ZNF532: variants seen among roughly 807,000 people sequenced by gnomAD.
The protein encoded by ZNF532 is zinc finger protein 532.
In ZNF532, 22 loss-of-function variants were observed where a neutral mutation model predicts 89.3. That is an observed-to-expected ratio of 0.25 (90% confidence interval 0.18 to 0.35). The LOEUF (loss-of-function observed/expected upper bound fraction) is 0.35, where lower values mean the gene tolerates loss of function less well. Ranked by LOEUF, ZNF532 falls within the 10% of genes least tolerant of loss-of-function variation. The pLI is 1.00. For synonymous variants in ZNF532, 606 were observed against 649.6 expected, an observed-to-expected ratio of 0.93 and a Z score of 1.02; for missense variants, 1,132 against 1,643.4, an observed-to-expected ratio of 0.69 and a Z score of 5.38.
chr18:58,937,914 G>C (rs1346808343), intron 4 of ZNF532, among the ~76,000 whole-genome samples: 2 of 152,224 alleles, frequency 1.3e-5, no homozygotes, highest in Admixed American at 6.5e-5. Flanking sequence ...ATAGGCTAGA[G>C]AGGCTGTCCT....
chr18:58,869,079 A>G (rs1370451058), intron 2 of ZNF532, among the ~76,000 whole-genome samples: 1 of 152,240 alleles, frequency 6.6e-6, no homozygotes, highest in African/African-American at 2.4e-5. Context: ...ATATGGTATT[A>G]TAATCTTATG....
At chr18:58,899,615 C>A (rs1210351508) in intron 2 of ZNF532, among the ~76,000 whole-genome samples, 1 of 152,054 alleles carries the variant, frequency 6.6e-6, no homozygotes, top group Non-Finnish European at 1.5e-5. Flanking sequence ...ACTACAGGTG[C>A]GAGCCACCAC....
At chr18:58,957,526 T>C (rs1307517800) in intron 7 of ZNF532, among the ~76,000 whole-genome samples, 1 of 151,664 alleles carries the variant, frequency 6.6e-6, no homozygotes, top group African/African-American at 2.4e-5. Flanking sequence ...GTATGATTAT[T>C]ATTTTGATAA....
Position 58,920,005 on chromosome 18 carries a change from T to C in ZNF532, c.1718T>C (p.Val573Ala), listed in dbSNP as rs1175478440. 6.2e-7 allele frequency: 1 copy of C among 1,613,590 alleles called. No homozygotes were observed. Among genetic ancestry groups the C allele is most frequent in the Non-Finnish European group, 8.5e-7 (1 of 1,179,758 alleles). ...AAAAAGGTGTCTCGAGTCCAGGTGGTGTCGTCCTTGCAGAGTTCTGTGGTG... is the reference window on the plus strand; with the variant it reads ...AAAAAGGTGTCTCGAGTCCAGGTGGCGTCGTCCTTGCAGAGTTCTGTGGTG... ...PPKKVSRVQV[V>A]SSLQSSVVEA... The change falls in exon 3 of 10, where the codon GTG (valine) becomes GCG (alanine). Residue 573 changes from valine to alanine, a missense_variant. By Grantham distance (64) the Val-to-Ala change is moderately conservative (BLOSUM62 0). Coordinates refer to ENST00000591808, the MANE Select transcript of ZNF532 (RefSeq NM_001375912.1).
chr18:58,948,118 G>A lies in ZNF532; in HGVS notation c.2757G>A (p.Leu919=). Residue 919 remains leucine, a synonymous_variant, in exon 6 of 10, where the codon TTG becomes TTA. Transcript: ENST00000591808. ...ACACTGTGTTCACCCTGCAAACCTT[G>A]CTGTATCGCCACTTTGACCAACACA... The part of the protein sequence containing the change: ...MCDTVFTLQT[L]LYRHFDQHIE... The A allele has an allele frequency of 1.2e-6, 2 of 1,613,876 alleles. No individual in the cohort carries two copies. The highest frequency in any genetic ancestry group is 2.2e-5 in the South Asian group (2 of 91,026).
At chr18:58,938,750 T>C (rs1231422191) in intron 4 of ZNF532, among the ~76,000 whole-genome samples, 1 of 152,184 alleles carries the variant, frequency 6.6e-6, no homozygotes, top group African/African-American at 2.4e-5. Flanking sequence ...GTTTAGACAC[T>C]GAAGATTTCT....
intron 2 of ZNF532, chr18:58,896,318 A>G (rs572792343): frequency 2.5e-4 from 38 of 152,240 alleles, no homozygotes; most frequent in African/African-American, 8.7e-4. Context: ...GTTTTCCATC[A>G]CCTTCAAAAA....
chr18:58,938,214 C>T (rs1296662777), intron 4 of ZNF532, among the ~76,000 whole-genome samples: 1 of 152,140 alleles, frequency 6.6e-6, no homozygotes, highest in Non-Finnish European at 1.5e-5. Context: ...GGGTAGCTCA[C>T]ATCTGGGAGC....
At chr18:58,973,204 G>A (rs1377252151) in intron 7 of ZNF532, among the ~76,000 whole-genome samples, 1 of 152,216 alleles carries the variant, frequency 6.6e-6, no homozygotes, top group Admixed American at 6.5e-5. Context: ...CCGAGTTCAA[G>A]TGATTCTTGT....
chr18:58,938,247 G>T (rs1055831552), intron 4 of ZNF532, among the ~76,000 whole-genome samples: 1 of 152,172 alleles, frequency 6.6e-6, no homozygotes, highest in African/African-American at 2.4e-5. Context: ...TTGTATTAGA[G>T]GTAAATTTCT....
intron 5 of ZNF532, among the ~76,000 whole-genome samples, chr18:58,947,148 A>G (rs953277961): frequency 6.6e-6 from 1 of 152,188 alleles, no homozygotes; most frequent in Non-Finnish European, 1.5e-5. Flanking sequence ...AGATGCCCAT[A>G]GGCCCTCTCC....
chr18:58,948,051 C>T lies in ZNF532; in HGVS notation c.2706-16C>T. Reference sequence around the variant, plus strand: ...GAGGCTGACTGACATGATCTCGCTGCACTCTTCTATTTTAGAATAATATAT... The same window carrying T: ...GAGGCTGACTGACATGATCTCGCTGTACTCTTCTATTTTAGAATAATATAT... On this transcript the variant is annotated splice_polypyrimidine_tract_variant and intron_variant, in intron 5 of 9. Transcript: ENST00000591808. The T allele has an allele frequency of 1.9e-6, 3 of 1,601,078 alleles. No homozygotes were observed. The highest frequency in any genetic ancestry group is 2.6e-6 in the Non-Finnish European group (3 of 1,174,390).
At chr18:58,947,255 G>C (rs1210609039) in intron 5 of ZNF532, among the ~76,000 whole-genome samples, 1 of 152,212 alleles carries the variant, frequency 6.6e-6, no homozygotes, top group East Asian at 1.9e-4. Flanking sequence ...ATTGGAGGCA[G>C]AGGCCGGCAG....
chr18:58,952,180 A>C (rs1455617068), intron 6 of ZNF532, among the ~76,000 whole-genome samples: 2 of 152,198 alleles, frequency 1.3e-5, no homozygotes, highest in Non-Finnish European at 2.9e-5. Context: ...AGGAATGTGG[A>C]GCTGAGGTCT....
chr18:58,943,688 CTT>C (rs2063414791), intron 5 of ZNF532, among the ~76,000 whole-genome samples: 1 of 152,162 alleles, frequency 6.6e-6, no homozygotes, highest in Admixed American at 6.5e-5. Context: ...GTCTCGATCT[CTT>C]TACCTTGTGA....
intron 5 of ZNF532, among the ~76,000 whole-genome samples, chr18:58,941,431 A>C (rs931855915): frequency 1.3e-4 from 19 of 151,998 alleles, no homozygotes; most frequent in Non-Finnish European, 2.5e-4. Context: ...TATTGTATAG[A>C]AAACAATTAT....
intron 7 of ZNF532, among the ~76,000 whole-genome samples, chr18:58,962,487 A>G (rs971939759): frequency 6.6e-6 from 1 of 152,172 alleles, no homozygotes; most frequent in Non-Finnish European, 1.5e-5. Context: ...CAGGGGGAGC[A>G]GTGAGTCTGA....
In ZNF532 at chr18:58,985,952, T is replaced by G. The variant is rs1246088195; in HGVS notation, c.*1486T>G. 2.0e-5 allele frequency: 3 copies of G among 152,648 alleles called. No homozygotes were observed. The East Asian group carries it at 5.8e-4, about 29-fold the overall frequency. The allele number at this position is 152,648 out of a possible 1,614,324, so 9.5% of individuals were successfully genotyped here. ...ATAAACGTGGGACATTTGGCCCTTG[T>G]GCTTCTGTGAGAGAATTATTGATGG... On this transcript the variant is annotated 3_prime_UTR_variant, in exon 10 of 10. Transcript: ENST00000591808.
At chr18:58,969,916 G>T (rs998825412) in intron 7 of ZNF532, among the ~76,000 whole-genome samples, 1 of 112,804 alleles carries the variant, frequency 8.9e-6, no homozygotes, top group East Asian at 2.5e-4. Flanking sequence ...ATGGAGTCTC[G>T]TTTTGTCGCC....
Sources: allele counts gnomAD v4.1 joint callset (sites outside exome capture counted in the v4.1 genomes callset), GRCh38; gene constraint gnomAD v4.1.1; transcripts MANE v1.5; gene names NCBI Gene and HGNC (gene_info 2026-07-23, HGNC 2026-07-21).